The following TUSC3 variants were observed in gnomAD, a reference collection of about 807,000 sequenced individuals.
TUSC3 encodes the protein dolichyl-diphosphooligosaccharide--protein glycosyltransferase subunit TUSC3.
Under a neutral mutation model 44.8 loss-of-function variants are expected in TUSC3, and 45 were observed. The ratio of observed to expected loss-of-function variants is 1.00; its 90% confidence interval spans 0.79 to 1.29. The LOEUF (loss-of-function observed/expected upper bound fraction) is 1.29, where lower values mean the gene tolerates loss of function less well. Among genes scored for constraint, TUSC3 ranks in the 50% most tolerant of loss-of-function variants. The pLI is 0.00. For synonymous variants in TUSC3, 212 were observed against 152.9 expected (o/e 1.39, Z -2.85); for missense variants, 519 against 437.9 (o/e 1.19, Z -1.65).
At chr8:15,504,507 G>T (rs1039350412) in intron 2 of TUSC3, among the ~76,000 whole-genome samples, 2 of 139,770 alleles carry the variant, frequency 1.4e-5, no homozygotes, top group African/African-American at 5.3e-5. Flanking sequence ...ATTAGTTATT[G>T]CCCTTCCTTT....
rs955976484 is a variant in TUSC3, at chr8:15,425,704, A to G, written n.91+8399A>G. 7.2e-5 allele frequency among the ~76,000 whole-genome samples: 11 copies of G among 152,220 alleles called. No homozygotes were observed. The South Asian group carries it at 2.3e-3, about 32-fold the overall frequency. Reference sequence around the variant, plus strand: ...AAGATTATATTATTCTCTACGTTTTATTAACAAATCTCTCATGGCTTTGAT... The same window carrying G: ...AAGATTATATTATTCTCTACGTTTTGTTAACAAATCTCTCATGGCTTTGAT... On this transcript the variant is annotated intron_variant and non_coding_transcript_variant, in intron 1 of 5. Coordinates refer to the TUSC3 transcript ENST00000503191.
At chr8:15,674,467 C>T (rs1417556151) in intron 6 of TUSC3, among the ~76,000 whole-genome samples, 1 of 151,784 alleles carries the variant, frequency 6.6e-6, no homozygotes, top group African/African-American at 2.4e-5. Flanking sequence ...AACAGTTTTT[C>T]GTTTTTTCTC....
chr8:15,714,736 T>G (rs1809993742), intron 6 of TUSC3, among the ~76,000 whole-genome samples: 1 of 152,178 alleles, frequency 6.6e-6, no homozygotes, highest in African/African-American at 2.4e-5. Flanking sequence ...AAAGAATCAG[T>G]AAACTTAATT....
At chr8:15,540,879 T>A (rs1360402805) in intron 1 of TUSC3, among the ~76,000 whole-genome samples, 1 of 152,028 alleles carries the variant, frequency 6.6e-6, no homozygotes. Context: ...CTAAAAGGGG[T>A]GTGTTGGATG....
intron 1 of TUSC3, among the ~76,000 whole-genome samples, chr8:15,608,776 G>A (rs1054442920): frequency 5.9e-4 from 90 of 152,174 alleles, no homozygotes; most frequent in African/African-American, 2.1e-3. Context: ...GTTTCCTGAG[G>A]CTCTCCAGCC....
intron 6 of TUSC3, among the ~76,000 whole-genome samples, chr8:15,700,869 C>CTTTTTTTTTTTTTTTTTTTTT (rs1332141201): frequency 7.5e-4 from 45 of 60,296 alleles, no homozygotes; most frequent in African/African-American, 2.2e-3. Context: ...TTTTTTTTTG[C>CTTTTTTTTTTTTTTTTTTTTT]TTTGCCTGTT....
chr8:15,528,140 A>G (rs985203165), intron 2 of TUSC3, among the ~76,000 whole-genome samples: 3 of 152,198 alleles, frequency 2.0e-5, no homozygotes, highest in African/African-American at 7.2e-5. Context: ...TATAATTTCA[A>G]TTAAGCACAA....
chr8:15,777,519 A>C, the TUSC3 span, among the ~76,000 whole-genome samples: 1 of 151,818 alleles, frequency 6.6e-6, no homozygotes, highest in East Asian at 1.9e-4. Flanking sequence ...GCTATATTTA[A>C]GTAGGTAAGA....
intron 10 of TUSC3, among the ~76,000 whole-genome samples, chr8:15,760,848 T>C (rs544032377): frequency 6.6e-6 from 1 of 152,314 alleles, no homozygotes; most frequent in East Asian, 1.9e-4. Flanking sequence ...CATACTTTCA[T>C]ACCTTTCCTC....
At chr8:15,835,808 T>A in the TUSC3 span, among the ~76,000 whole-genome samples, 1 of 151,926 alleles carries the variant, frequency 6.6e-6, no homozygotes, top group Non-Finnish European at 1.5e-5. Context: ...TGTGTTTAGG[T>A]TTTATAAATC....
At chr8:15,792,051 T>C in the TUSC3 span, among the ~76,000 whole-genome samples, 1 of 151,990 alleles carries the variant, frequency 6.6e-6, no homozygotes, top group Non-Finnish European at 1.5e-5. Context: ...GGTTCATGGG[T>C]TGGATGTCTG....
At chr8:15,512,557 G>T (rs1383393973) in intron 2 of TUSC3, among the ~76,000 whole-genome samples, 1 of 152,092 alleles carries the variant, frequency 6.6e-6, no homozygotes, top group South Asian at 2.1e-4. Flanking sequence ...CAGATCACTT[G>T]AGGTCAGCAG....
chr8:15,793,742 C>T, the TUSC3 span, among the ~76,000 whole-genome samples: 89 of 152,208 alleles, frequency 5.8e-4, no homozygotes, highest in African/African-American at 2.1e-3. Flanking sequence ...ATTGTTTTAT[C>T]CCCAAAATGT....
intron 5 of TUSC3, among the ~76,000 whole-genome samples, chr8:15,664,653 G>A (rs1455224252): frequency 2.7e-5 from 4 of 149,406 alleles, no homozygotes; most frequent in Non-Finnish European, 1.5e-5. Flanking sequence ...ACACTACACT[G>A]ATAATATAAT....
chr8:15,502,120 CAG>C (rs1368803954), intron 2 of TUSC3, among the ~76,000 whole-genome samples: 1 of 152,114 alleles, frequency 6.6e-6, no homozygotes, highest in East Asian at 1.9e-4. Context: ...GTTGAAGCAG[CAG>C]AGTTTAAATT....
chr8:15,846,637 C>A, the TUSC3 span, among the ~76,000 whole-genome samples: 1 of 152,066 alleles, frequency 6.6e-6, no homozygotes, highest in African/African-American at 2.4e-5. Flanking sequence ...CGTTCTCACT[C>A]ACTCATAAGT....
chr8:15,760,416 T>C (rs1057224482), intron 10 of TUSC3, among the ~76,000 whole-genome samples: 30 of 152,320 alleles, frequency 2.0e-4, no homozygotes, highest in African/African-American at 7.0e-4. Context: ...TGTAGTAATA[T>C]CAATGTATGA....
the TUSC3 span, among the ~76,000 whole-genome samples, chr8:15,819,778 A>C: frequency 0.77 from 116,364 of 152,108 alleles, 44,988 homozygotes; most frequent in Non-Finnish European, 0.84. Context: ...GATGCTCTTC[A>C]AATTCAGAAC....
At chr8:15,524,939 G>A (rs933401574) in intron 2 of TUSC3, among the ~76,000 whole-genome samples, 1 of 152,156 alleles carries the variant, frequency 6.6e-6, no homozygotes, top group Non-Finnish European at 1.5e-5. Flanking sequence ...CTAAATTTTA[G>A]ACTAAAAGGG....
Sources: gnomAD v4.1 joint callset for allele counts (sites outside exome capture counted in the v4.1 genomes callset) on GRCh38, gnomAD v4.1.1 for gene constraint, MANE v1.5 for transcripts, NCBI Gene and HGNC (gene_info 2026-07-23, HGNC 2026-07-21) for gene names.